The following EPHB1 variants were observed in gnomAD, a reference collection of about 807,000 sequenced individuals.
EPHB1 encodes the protein ephrin type-B receptor 1.
EPHB1 carries 30 observed loss-of-function variants against 94.4 expected under a neutral mutation model. That is an observed-to-expected ratio of 0.32 (90% CI 0.24 to 0.43). The LOEUF (loss-of-function observed/expected upper bound fraction) is 0.43, where lower values mean the gene tolerates loss of function less well. Among genes scored for constraint, EPHB1 ranks in the 20% least tolerant of loss-of-function variants. EPHB1 has a pLI of 1.00. For missense variants in EPHB1, 1,055 were observed against 1,308.3 expected (o/e 0.81, Z 2.99); for synonymous variants, 522 against 489.1 (o/e 1.07, Z -0.89).
At chr3:134,916,644 G>A (rs1328749469) in intron 1 of EPHB1, among the ~76,000 whole-genome samples, 7 of 152,232 alleles carry the variant, frequency 4.6e-5, no homozygotes, top group Admixed American at 3.9e-4. Context: ...CGGCCAGCCG[G>A]CAGCTCTGAG....
intron 1 of EPHB1, among the ~76,000 whole-genome samples, chr3:134,872,375 C>T (rs2037518381): frequency 6.6e-6 from 1 of 152,226 alleles, no homozygotes; most frequent in African/African-American, 2.4e-5. Flanking sequence ...TTCTCTTTCC[C>T]ATTGCCTCTT....
intron 1 of EPHB1, among the ~76,000 whole-genome samples, chr3:134,874,945 G>A (rs2037586615): frequency 6.6e-6 from 1 of 152,232 alleles, no homozygotes; most frequent in South Asian, 2.1e-4. Context: ...CAAGCTCAGA[G>A]TCACTGATTC....
intron 3 of EPHB1, among the ~76,000 whole-genome samples, chr3:135,013,727 C>T (rs907387308): frequency 5.3e-5 from 8 of 152,230 alleles, no homozygotes; most frequent in Non-Finnish European, 8.8e-5. Context: ...CACAACCTCC[C>T]TTGGTAACCA....
intron 12 of EPHB1, among the ~76,000 whole-genome samples, chr3:135,236,210 C>G (rs531301253): frequency 6.6e-6 from 1 of 152,284 alleles, no homozygotes; most frequent in African/African-American, 2.4e-5. Context: ...ATGCCTCTCT[C>G]CTAGTTGCCA....
intron 3 of EPHB1, among the ~76,000 whole-genome samples, chr3:135,020,524 G>A (rs933159937): frequency 3.3e-5 from 5 of 152,116 alleles, no homozygotes; most frequent in African/African-American, 9.7e-5. Context: ...GGAATCATGC[G>A]CTATATGGCC....
intron 12 of EPHB1, among the ~76,000 whole-genome samples, chr3:135,216,713 ACT>A (rs1328953420): frequency 1.1e-4 from 13 of 114,018 alleles, no homozygotes; most frequent in Non-Finnish European, 2.2e-4. Context: ...ACAGAGTGAC[ACT>A]CTGTCTCAGG....
chr3:134,802,348 GAAA>G (rs558627652), intron 1 of EPHB1, among the ~76,000 whole-genome samples: 3 of 128,938 alleles, frequency 2.3e-5, no homozygotes, highest in African/African-American at 2.8e-5. Flanking sequence ...TCTGTCTCAC[GAAA>G]AAAAAAAAAA....
intron 12 of EPHB1, among the ~76,000 whole-genome samples, chr3:135,237,063 C>T (rs758358739): frequency 5.9e-5 from 9 of 152,050 alleles, no homozygotes; most frequent in Non-Finnish European, 1.2e-4. Flanking sequence ...ATTACCATGT[C>T]CCCAGCAGGG....
intron 12 of EPHB1, among the ~76,000 whole-genome samples, chr3:135,220,792 G>A (rs1352216098): frequency 6.6e-6 from 1 of 152,106 alleles, no homozygotes; most frequent in Non-Finnish European, 1.5e-5. Context: ...CGAATTCACA[G>A]CCCACTTGTG....
At chr3:135,031,338 C>T (rs1412970334) in intron 3 of EPHB1, among the ~76,000 whole-genome samples, 5 of 152,140 alleles carry the variant, frequency 3.3e-5, no homozygotes, top group South Asian at 4.1e-4. Context: ...TTGATGGGGT[C>T]TCACTCTGTA....
chr3:135,130,543 A>G (rs1940380868), intron 4 of EPHB1, among the ~76,000 whole-genome samples: 1 of 152,210 alleles, frequency 6.6e-6, no homozygotes, highest in South Asian at 2.1e-4. Context: ...CCAGGTGATG[A>G]TGTTTTGGTT....
intron 1 of EPHB1, among the ~76,000 whole-genome samples, chr3:134,924,853 C>T (rs1206974894): frequency 1.3e-5 from 2 of 152,068 alleles, no homozygotes; most frequent in African/African-American, 4.8e-5. Context: ...GAGAAAATGC[C>T]ATTTATTCTA....
intron 3 of EPHB1, among the ~76,000 whole-genome samples, chr3:135,051,738 A>G (rs1351882494): frequency 6.6e-6 from 1 of 152,220 alleles, no homozygotes; most frequent in African/African-American, 2.4e-5. Flanking sequence ...GTACAGGACA[A>G]TCAATTTTTT....
At chr3:134,903,836 A>T (rs2038258292) in intron 1 of EPHB1, among the ~76,000 whole-genome samples, 1 of 152,188 alleles carries the variant, frequency 6.6e-6, no homozygotes, top group Non-Finnish European at 1.5e-5. Flanking sequence ...ATTGTTGCTA[A>T]TTCTGGGTCC....
At chr3:134,947,971 T>A (rs1282991641) in intron 2 of EPHB1, among the ~76,000 whole-genome samples, 4 of 152,098 alleles carry the variant, frequency 2.6e-5, no homozygotes, top group Admixed American at 6.5e-5. Flanking sequence ...ATTATTTTTA[T>A]TTTTGTAGAG....
intron 4 of EPHB1, among the ~76,000 whole-genome samples, chr3:135,132,012 G>A (rs1245170622): frequency 6.6e-6 from 1 of 152,146 alleles, no homozygotes; most frequent in Non-Finnish European, 1.5e-5. Flanking sequence ...GGTCTTTGGG[G>A]GGAATAAATA....
chr3:134,891,781 G>A (rs2037989368), intron 1 of EPHB1, among the ~76,000 whole-genome samples: 1 of 152,198 alleles, frequency 6.6e-6, no homozygotes, highest in Non-Finnish European at 1.5e-5. Context: ...TGAGGGTTGG[G>A]AAACTGTGTA....
intron 3 of EPHB1, among the ~76,000 whole-genome samples, chr3:135,025,288 G>A (rs1182786038): frequency 7.8e-6 from 1 of 128,424 alleles, no homozygotes; most frequent in Admixed American, 8.7e-5. Flanking sequence ...GTATACATGT[G>A]CCATGCTGGT....
At chr3:134,854,983 C>T (rs2108301257) in intron 1 of EPHB1, among the ~76,000 whole-genome samples, 1 of 152,330 alleles carries the variant, frequency 6.6e-6, no homozygotes, top group Non-Finnish European at 1.5e-5. Flanking sequence ...TTTTGTTCAG[C>T]TTACCTGTCT....
Sources: allele counts gnomAD v4.1 joint callset (sites outside exome capture counted in the v4.1 genomes callset), GRCh38; gene constraint gnomAD v4.1.1; transcripts MANE v1.5; gene names NCBI Gene and HGNC (gene_info 2026-07-23, HGNC 2026-07-21).